SUPT3H: variants seen among roughly 807,000 people sequenced by gnomAD.
The protein encoded by SUPT3H is transcription initiation protein SPT3 homolog.
In SUPT3H, 44 loss-of-function variants were observed where a neutral mutation model predicts 44.3. That is an observed-to-expected ratio of 0.99 (90% CI 0.78 to 1.28). The LOEUF (loss-of-function observed/expected upper bound fraction) is 1.28, where lower values mean the gene tolerates loss of function less well. SUPT3H is among the 50% of genes most tolerant of loss of function. SUPT3H has a pLI of 0.00. For missense variants in SUPT3H, 380 were observed against 387.1 expected (o/e 0.98, Z 0.15); for synonymous variants, 124 against 125.6 (o/e 0.99, Z 0.09).
chr6:45,147,331 T>C (rs1177743515), intron 2 of SUPT3H, among the ~76,000 whole-genome samples: 2 of 152,148 alleles, frequency 1.3e-5, no homozygotes, highest in African/African-American at 2.4e-5. Flanking sequence ...ATTCATTAAC[T>C]TGAACCTAGG....
At chr6:45,243,852 G>T (rs902642717) in intron 2 of SUPT3H, among the ~76,000 whole-genome samples, 1 of 151,986 alleles carries the variant, frequency 6.6e-6, no homozygotes, top group African/African-American at 2.4e-5. Context: ...CAATATACCC[G>T]ATCTGTTTTA....
At chr6:45,002,783 A>T (rs1782176368) in intron 6 of SUPT3H, among the ~76,000 whole-genome samples, 2 of 152,114 alleles carry the variant, frequency 1.3e-5, no homozygotes, top group African/African-American at 4.8e-5. Context: ...GAAGTTTATA[A>T]AGCATGTATG....
chr6:45,302,514 AATATATATATATATATATATATATAT>A (rs10524207), intron 2 of SUPT3H, among the ~76,000 whole-genome samples: 18 of 105,388 alleles, frequency 1.7e-4, no homozygotes, highest in African/African-American at 2.9e-4. Context: ...GTATCTCAGG[AATATATATATATATATATATATATAT>A]ATATATATAT....
In SUPT3H at chr6:45,197,199, T is replaced by G. The variant is rs569402315; in HGVS notation, c.102-91193A>C. ...GATTATTTTTTAATATTTTGATGCA[T>G]CCAATAAAATTGTGTTCAATTAACA... is the stretch of plus-strand genomic sequence containing the variant. On this transcript the variant is annotated intron_variant, in intron 2 of 10. Coordinates refer to ENST00000371459, the MANE Select transcript of SUPT3H (RefSeq NM_003599.4). Among the ~76,000 whole-genome samples, 3 of 151,810 alleles carry G rather than the reference T, an allele frequency of 2.0e-5. No individual in the cohort carries two copies. In the South Asian group the frequency reaches 6.2e-4, roughly 31 times the overall value.
intron 2 of SUPT3H, among the ~76,000 whole-genome samples, chr6:45,271,942 GA>G (rs1776256944): frequency 6.6e-6 from 1 of 152,176 alleles, no homozygotes; most frequent in African/African-American, 2.4e-5. Context: ...GGAGCATTAA[GA>G]TTTGATGGCC....
intron 10 of SUPT3H, among the ~76,000 whole-genome samples, chr6:44,886,607 C>T (rs6938601): frequency 0.6 from 90,502 of 151,614 alleles, 27,761 homozygotes; most frequent in African/African-American, 0.75. Context: ...TAAAAGAGCT[C>T]CTGAAGGAAG....
At position 44,906,517 on chromosome 6, in the gene SUPT3H, G is replaced by A. The variant is rs373004218; in HGVS notation, c.912+26136C>T. Among the ~76,000 whole-genome samples the A allele has an allele frequency of 3.3e-5, 5 of 152,188 alleles. No individual in the cohort carries two copies. The South Asian group carries it at 6.2e-4, about 19-fold the overall frequency. On this transcript the variant is annotated intron_variant, in intron 10 of 10. Transcript: ENST00000371459. Reference sequence around the variant, plus strand: ...GGTGGCTCATGCCTGTAATCGCAGCGCTTTGGGAGGCCGAGTTGGGCGGAT... The same window carrying A: ...GGTGGCTCATGCCTGTAATCGCAGCACTTTGGGAGGCCGAGTTGGGCGGAT...
At chr6:44,928,882 C>CAAAATAAAAAAAAAAAAAAAAAAA (rs1491206167) in intron 10 of SUPT3H, among the ~76,000 whole-genome samples, 2 of 20,638 alleles carry the variant, frequency 9.7e-5, no homozygotes, top group Non-Finnish European at 1.5e-4. Context: ...GACTCCGTCT[C>CAAAATAAAAAAAAAAAAAAAAAAA]AAAAAAAAAA....
intron 3 of SUPT3H, among the ~76,000 whole-genome samples, chr6:45,093,029 A>G (rs1797344445): frequency 6.6e-6 from 1 of 152,118 alleles, no homozygotes; most frequent in Admixed American, 6.5e-5. Flanking sequence ...AACACAATGT[A>G]GTAAAATAAC....
chr6:45,062,640 C>G (rs1226925867), intron 3 of SUPT3H, among the ~76,000 whole-genome samples: 6 of 152,212 alleles, frequency 3.9e-5, no homozygotes, highest in African/African-American at 1.4e-4. Context: ...GAGGCATTGC[C>G]TCACCTGGGA....
intron 2 of SUPT3H, among the ~76,000 whole-genome samples, chr6:45,303,432 C>A (rs1584807121): frequency 6.6e-6 from 1 of 151,990 alleles, no homozygotes; most frequent in African/African-American, 2.4e-5. Flanking sequence ...AACAAAAAAG[C>A]AAACAATCCC....
intron 3 of SUPT3H, among the ~76,000 whole-genome samples, chr6:45,080,454 A>T (rs1795639647): frequency 6.6e-6 from 1 of 152,190 alleles, no homozygotes. Flanking sequence ...CCCAGAAAAA[A>T]GGAAATCAAT....
intron 6 of SUPT3H, among the ~76,000 whole-genome samples, chr6:44,983,684 A>C (rs1215463010): frequency 6.6e-6 from 1 of 152,210 alleles, no homozygotes; most frequent in Non-Finnish European, 1.5e-5. Flanking sequence ...TAAAGAATGC[A>C]GAGAAACTAA....
chr6:44,910,393 T>C (rs774646877), intron 10 of SUPT3H, among the ~76,000 whole-genome samples: 46 of 152,198 alleles, frequency 3.0e-4, no homozygotes, highest in Non-Finnish European at 5.4e-4. Context: ...ATTTCAGAAT[T>C]AATAACCATT....
chr6:45,013,759 T>C (rs985837217), intron 5 of SUPT3H, among the ~76,000 whole-genome samples: 10 of 152,062 alleles, frequency 6.6e-5, no homozygotes, highest in African/African-American at 2.4e-4. Context: ...GAGAGATGCC[T>C]ACCTCTTGCC....
At chr6:45,105,442 G>A (rs1166359069) in intron 3 of SUPT3H, among the ~76,000 whole-genome samples, 1 of 151,926 alleles carries the variant, frequency 6.6e-6, no homozygotes, top group Non-Finnish European at 1.5e-5. Flanking sequence ...ATTTTTGTGG[G>A]TACAGAGTAG....
chr6:44,861,674 A>G (rs1234208125), intron 10 of SUPT3H, among the ~76,000 whole-genome samples: 1 of 152,100 alleles, frequency 6.6e-6, no homozygotes, highest in Non-Finnish European at 1.5e-5. Flanking sequence ...GATGTGAGCC[A>G]CCACCATGCC....
chr6:44,813,735 G>A (rs1766711001), intron 11 of SUPT3H, among the ~76,000 whole-genome samples: 1 of 150,638 alleles, frequency 6.6e-6, no homozygotes, highest in African/African-American at 2.4e-5. Context: ...CAGTAGATGA[G>A]CTTAATAGAA....
At chr6:45,011,024 G>C (rs1399101106) in intron 5 of SUPT3H, among the ~76,000 whole-genome samples, 1 of 152,000 alleles carries the variant, frequency 6.6e-6, no homozygotes, top group Non-Finnish European at 1.5e-5. Flanking sequence ...TACATGAATT[G>C]TTTTCTAAGT....
Sources: allele counts gnomAD v4.1 joint callset (sites outside exome capture counted in the v4.1 genomes callset), GRCh38; gene constraint gnomAD v4.1.1; transcripts MANE v1.5; gene names NCBI Gene and HGNC (gene_info 2026-07-23, HGNC 2026-07-21).